Variants in LARGE1 observed in about 807,000 individuals in gnomAD.
The protein encoded by LARGE1 is xylosyl- and glucuronyltransferase LARGE1.
LARGE1 carries 43 observed loss-of-function variants against 87.6 expected under a neutral mutation model. That is an observed-to-expected ratio of 0.49 (90% CI 0.38 to 0.63). The LOEUF (loss-of-function observed/expected upper bound fraction) is 0.63. LARGE1 is among the 30% of genes least tolerant of loss of function. LARGE1 has a pLI of 0.00. For synonymous variants in LARGE1, 434 were observed against 394.6 expected (o/e 1.10, Z -1.18); for missense variants, 802 against 1,000.2 (o/e 0.80, Z 2.67).
At chr22:33,725,310 G>C (rs1001121337) in intron 2 of LARGE1, among the ~76,000 whole-genome samples, 2 of 152,202 alleles carry the variant, frequency 1.3e-5, no homozygotes, top group African/African-American at 4.8e-5. Context: ...GAGGCGACAG[G>C]GTGGTGACCT....
intron 6 of LARGE1, among the ~76,000 whole-genome samples, chr22:33,485,277 G>A (rs1206584578): frequency 3.3e-5 from 5 of 150,514 alleles, no homozygotes; most frequent in Non-Finnish European, 5.9e-5. Context: ...GCAGTGGCAC[G>A]ATCTGGGCTC....
rs759820244 is a variant in LARGE1 at position 33,604,555 on chromosome 22, C to A, written c.495G>T (p.Arg165=). Reference sequence around the variant, plus strand: ...CAATAAGGTGGAAGTGCAGAGGGTTCCGTCTGTGGGGAGTGTGAGAAGGAA... The same window carrying A: ...CAATAAGGTGGAAGTGCAGAGGGTTACGTCTGTGGGGAGTGTGAGAAGGAA... The part of the protein sequence containing the change: ...TLVKSVLFHR[R]NPLHFHLIAD... Residue 165 remains arginine (R), a synonymous_variant, in exon 5 of 15, where the codon CGG becomes CGT. Coordinates refer to ENST00000397394, the MANE Select transcript of LARGE1 (RefSeq NM_133642.5). 1 of 1,614,012 alleles carries A rather than the reference C, an allele frequency of 6.2e-7. No homozygotes were observed. Among genetic ancestry groups the A allele is most frequent in the East Asian group, 2.2e-5 (1 of 44,872 alleles).
At chr22:33,787,034 A>AAG (rs1556045692) in intron 1 of LARGE1, among the ~76,000 whole-genome samples, 2 of 151,898 alleles carry the variant, frequency 1.3e-5, no homozygotes, top group African/African-American at 4.8e-5. Flanking sequence ...AAAAAAAAAA[A>AAG]AAAGAAAGAA....
At chr22:33,438,411 G>A (rs928860123) in intron 6 of LARGE1, among the ~76,000 whole-genome samples, 2 of 152,174 alleles carry the variant, frequency 1.3e-5, no homozygotes, top group African/African-American at 4.8e-5. Flanking sequence ...TAAGTGCGCT[G>A]TTCTCCATCT....
intron 2 of LARGE1, among the ~76,000 whole-genome samples, chr22:33,681,601 A>G (rs1357939153): frequency 6.6e-6 from 1 of 152,228 alleles, no homozygotes; most frequent in Non-Finnish European, 1.5e-5. Context: ...AGTATTTCCT[A>G]TACTATTAAA....
At chr22:33,106,256 C>A in the LARGE1 span, among the ~76,000 whole-genome samples, 5 of 152,274 alleles carry the variant, frequency 3.3e-5, no homozygotes, top group Admixed American at 3.3e-4. Context: ...GTGAAGAAGA[C>A]AGGGTTTCTT....
chr22:33,106,443 A>G, the LARGE1 span, among the ~76,000 whole-genome samples: 1 of 152,088 alleles, frequency 6.6e-6, no homozygotes, highest in Non-Finnish European at 1.5e-5. Flanking sequence ...CGGAAATTCA[A>G]TTCTGTTACC....
intron 6 of LARGE1, among the ~76,000 whole-genome samples, chr22:33,509,611 C>T (rs890246234): frequency 3.3e-5 from 5 of 152,014 alleles, no homozygotes; most frequent in African/African-American, 1.2e-4. Context: ...CCACCATACC[C>T]AGCTAATTTT....
intron 2 of LARGE1, among the ~76,000 whole-genome samples, chr22:33,692,218 A>C (rs1041847657): frequency 2.0e-5 from 3 of 152,228 alleles, no homozygotes; most frequent in Admixed American, 2.0e-4. Context: ...TGCTTAAAAC[A>C]CTGCTTCCTG....
intron 11 of LARGE1, among the ~76,000 whole-genome samples, chr22:33,223,139 T>C (rs763986460): frequency 7.2e-5 from 11 of 152,218 alleles, no homozygotes; most frequent in Non-Finnish European, 1.3e-4. Flanking sequence ...CCAGTATCAT[T>C]CATAATAACG....
chr22:33,139,573 T>A, the LARGE1 span, among the ~76,000 whole-genome samples: 1 of 152,174 alleles, frequency 6.6e-6, no homozygotes, highest in Admixed American at 6.5e-5. Flanking sequence ...CTTATACCCC[T>A]CTAGTAAATT....
chr22:33,858,146 A>T (rs1269732184), intron 1 of LARGE1, among the ~76,000 whole-genome samples: 1 of 152,206 alleles, frequency 6.6e-6, no homozygotes, highest in African/African-American at 2.4e-5. Context: ...GATTAGGATG[A>T]ACCCAGGCAC....
chr22:33,296,376 T>A (rs1275893203), intron 12 of LARGE1, among the ~76,000 whole-genome samples: 10 of 152,160 alleles, frequency 6.6e-5, no homozygotes, highest in Admixed American at 5.2e-4. Flanking sequence ...ACATGGATTA[T>A]CTGGTGCAAA....
chr22:33,544,636 C>T (rs1044366905), intron 6 of LARGE1, among the ~76,000 whole-genome samples: 1 of 152,076 alleles, frequency 6.6e-6, no homozygotes, highest in African/African-American at 2.4e-5. Flanking sequence ...GAGCTGAGAT[C>T]ACACCGCTGC....
intron 1 of LARGE1, among the ~76,000 whole-genome samples, chr22:33,879,325 G>C (rs1420800950): frequency 6.6e-6 from 1 of 152,120 alleles, no homozygotes; most frequent in Non-Finnish European, 1.5e-5. Flanking sequence ...TAATGTTCAG[G>C]AGGGGTCACA....
chr22:33,420,727 A>G (rs112149040), intron 7 of LARGE1, among the ~76,000 whole-genome samples: 77 of 152,322 alleles, frequency 5.1e-4, no homozygotes, highest in African/African-American at 1.8e-3. Flanking sequence ...GGCACATTGC[A>G]TGTGCTAGAT....
chr22:33,732,225 G>A (rs1179273865), intron 2 of LARGE1: 4 of 152,192 alleles, frequency 2.6e-5, no homozygotes, highest in Non-Finnish European at 5.9e-5. Flanking sequence ...AGGAGCTGTG[G>A]TCTTCATTGC....
intron 1 of LARGE1, among the ~76,000 whole-genome samples, chr22:33,903,649 AC>A (rs1193393225): frequency 6.6e-6 from 1 of 152,022 alleles, no homozygotes; most frequent in Admixed American, 6.5e-5. Flanking sequence ...ACATGGTGAA[AC>A]CCTGTCTCTA....
intron 2 of LARGE1, among the ~76,000 whole-genome samples, chr22:33,659,047 A>T (rs1198950125): frequency 6.6e-6 from 1 of 152,180 alleles, no homozygotes; most frequent in East Asian, 1.9e-4. Context: ...CTCCAAGCAT[A>T]GGGCCTGCTT....
Sources: allele counts gnomAD v4.1 joint callset (sites outside exome capture counted in the v4.1 genomes callset), GRCh38; gene constraint gnomAD v4.1.1; transcripts MANE v1.5; gene names NCBI Gene and HGNC (gene_info 2026-07-23, HGNC 2026-07-21).